STAU2: variants seen among roughly 807,000 people sequenced by gnomAD.
The protein encoded by STAU2 is staufen double-stranded RNA binding protein 2.
Under a neutral mutation model 65.9 loss-of-function variants are expected in STAU2, and 20 were observed. The ratio of observed to expected loss-of-function variants is 0.30; its 90% CI spans 0.21 to 0.44. The LOEUF (loss-of-function observed/expected upper bound fraction) is 0.44, where lower values mean the gene tolerates loss of function less well. STAU2 is among the 20% of genes least tolerant of loss of function. The pLI, the probability that STAU2 is intolerant of heterozygous loss-of-function variation, is 1.00. For synonymous variants in STAU2, 232 were observed against 233.9 expected (o/e 0.99, Z 0.07); for missense variants, 558 against 683.9 (o/e 0.82, Z 2.05).
chr8:73,545,384 TA>T (rs528439050), intron 13 of STAU2, among the ~76,000 whole-genome samples: 350 of 149,722 alleles, frequency 2.3e-3, no homozygotes, highest in African/African-American at 8.0e-3. Flanking sequence ...ATACTACAGA[TA>T]AAAAAAAAAT....
intron 11 of STAU2, 54 bp from the exon 12 acceptor site, chr8:73,582,884 A>G: frequency 4.7e-6 from 4 of 852,874 alleles, no homozygotes; most frequent in Middle Eastern, 3.0e-4. Context: ...ATTCAAAAAG[A>G]AAAAAAAAAA....
intron 13 of STAU2, among the ~76,000 whole-genome samples, chr8:73,457,441 T>A (rs766374996): frequency 5.3e-5 from 8 of 152,226 alleles, no homozygotes; most frequent in Non-Finnish European, 5.9e-5. Context: ...TGAATCTTCA[T>A]CTCGAATGAA....
chr8:73,666,768 C>T (rs189162096), intron 6 of STAU2, among the ~76,000 whole-genome samples: 4 of 152,264 alleles, frequency 2.6e-5, no homozygotes, highest in Admixed American at 2.6e-4. Context: ...AGAAAGGATA[C>T]ACCTTCAATG....
At chr8:73,733,410 A>C (rs983110141) in intron 3 of STAU2, among the ~76,000 whole-genome samples, 6 of 152,170 alleles carry the variant, frequency 3.9e-5, no homozygotes, top group African/African-American at 1.4e-4. Flanking sequence ...TATCTTCGTA[A>C]TTTATATTTG....
At chr8:73,455,391 G>A (rs577345513) in intron 13 of STAU2, among the ~76,000 whole-genome samples, 3 of 152,164 alleles carry the variant, frequency 2.0e-5, no homozygotes, top group Admixed American at 2.0e-4. Flanking sequence ...TTGGGAGCCA[G>A]GAGTACAGGT....
At chr8:73,510,646 G>A (rs534366594) in intron 13 of STAU2, among the ~76,000 whole-genome samples, 2 of 152,276 alleles carry the variant, frequency 1.3e-5, no homozygotes, top group East Asian at 1.9e-4. Flanking sequence ...ACGGCGGAAG[G>A]GGAAGCAAAC....
At chr8:73,594,929 A>C in intron 11 of STAU2, among the ~76,000 whole-genome samples, 1 of 152,252 alleles carries the variant, frequency 6.6e-6, no homozygotes, top group East Asian at 1.9e-4. Context: ...AATTGGTATT[A>C]CATAAAATAT....
At chr8:73,570,538 C>A (rs923642390) in intron 12 of STAU2, among the ~76,000 whole-genome samples, 4 of 152,160 alleles carry the variant, frequency 2.6e-5, no homozygotes, top group Non-Finnish European at 5.9e-5. Context: ...AGTATATTAT[C>A]CCAGAGAACT....
At chr8:73,643,522 A>C (rs1316899814) in intron 6 of STAU2, among the ~76,000 whole-genome samples, 4 of 152,182 alleles carry the variant, frequency 2.6e-5, no homozygotes, top group African/African-American at 9.7e-5. Context: ...AAATAGTATA[A>C]TAGCTTCGAG....
intron 13 of STAU2, among the ~76,000 whole-genome samples, chr8:73,425,347 G>T (rs1230997597): frequency 6.6e-6 from 1 of 152,176 alleles, no homozygotes; most frequent in Non-Finnish European, 1.5e-5. Flanking sequence ...CGTGAAGATG[G>T]TGGTAGGGGC....
At chr8:73,747,224 C>T (rs927500044), upstream of STAU2, 63 of 790,480 alleles carry the variant, frequency 8.0e-5, no homozygotes, top group Non-Finnish European at 9.7e-5. Flanking sequence ...CGCGCCCGGT[C>T]CGCAGTCTCC....
At chr8:73,481,911 G>A in intron 13 of STAU2, among the ~76,000 whole-genome samples, 1 of 152,120 alleles carries the variant, frequency 6.6e-6, no homozygotes, top group Non-Finnish European at 1.5e-5. Flanking sequence ...TAGTACAGTA[G>A]GTGGGCCATT....
chr8:73,486,776 C>T (rs1341669246), intron 13 of STAU2, among the ~76,000 whole-genome samples: 1 of 151,532 alleles, frequency 6.6e-6, no homozygotes, highest in Non-Finnish European at 1.5e-5. Flanking sequence ...CCTCAGCCTA[C>T]CAAGTAGCTG....
chr8:73,564,460 G>A (rs760469320), intron 12 of STAU2, among the ~76,000 whole-genome samples: 31 of 152,034 alleles, frequency 2.0e-4, no homozygotes, highest in Admixed American at 1.2e-3. Context: ...CACATAGAGG[G>A]GAATAACACA....
intron 13 of STAU2, among the ~76,000 whole-genome samples, chr8:73,513,951 T>C (rs573765778): frequency 1.3e-5 from 2 of 152,310 alleles, no homozygotes; most frequent in South Asian, 4.1e-4. Flanking sequence ...TTAGCTTACT[T>C]GGAGCACTAT....
At chr8:73,480,861 A>T (rs1820569666) in intron 13 of STAU2, among the ~76,000 whole-genome samples, 1 of 152,134 alleles carries the variant, frequency 6.6e-6, no homozygotes, top group Non-Finnish European at 1.5e-5. Context: ...TAAAGTACAC[A>T]CTCAGAGAAG....
At position 73,722,757 on chromosome 8, in the gene STAU2, A is replaced by G. The variant is rs192207219; in HGVS notation, c.-17-13595T>C. Among the ~76,000 whole-genome samples, 222 of 152,324 alleles carry G rather than the reference A, an allele frequency of 1.5e-3. 2 individuals carry two copies. Among genetic ancestry groups the G allele is most frequent in the African/African-American group, 5.1e-3 (211 of 41,572 alleles). On this transcript the variant is annotated intron_variant, in intron 3 of 14. Coordinates refer to ENST00000524300, the MANE Select transcript of STAU2 (RefSeq NM_001164380.2). ...AGTAAGTCCTCACTTAACATCATCA[A>G]TAGGTCCTTGGAAGCTGCAACTTCA...
At chr8:73,454,392 T>C (rs1585790348) in intron 13 of STAU2, among the ~76,000 whole-genome samples, 1 of 152,370 alleles carries the variant, frequency 6.6e-6, no homozygotes, top group Non-Finnish European at 1.5e-5. Context: ...ATTTTTACAA[T>C]GTTAAGTGGG....
At chr8:73,629,512 T>A (rs1011844705) in intron 6 of STAU2, among the ~76,000 whole-genome samples, 1 of 152,176 alleles carries the variant, frequency 6.6e-6, no homozygotes, top group African/African-American at 2.4e-5. Context: ...TTTAAAAAAA[T>A]TGCAGGGTTT....
Sources: allele counts gnomAD v4.1 joint callset (sites outside exome capture counted in the v4.1 genomes callset), GRCh38; gene constraint gnomAD v4.1.1; transcripts MANE v1.5; gene names NCBI Gene and HGNC (gene_info 2026-07-23, HGNC 2026-07-21).